The following SYTL2 variants were observed in gnomAD, a reference collection of about 807,000 sequenced individuals.
SYTL2 encodes the protein synaptotagmin like 2.
Under a neutral mutation model 198.7 loss-of-function variants are expected in SYTL2, and 165 were observed. That is an observed-to-expected ratio of 0.83 (90% confidence interval 0.73 to 0.94). SYTL2 has a LOEUF of 0.94. Among genes scored for constraint, SYTL2 ranks in the 40% least tolerant of loss-of-function variants. The probability of loss-of-function intolerance (pLI) is 0.00; values close to 1 mark genes in which losing one functional copy is unlikely to be tolerated. For synonymous variants in SYTL2, 966 were observed against 917.7 expected (o/e 1.05, Z -0.95); for missense variants, 2,835 against 2,582.8 (o/e 1.10, Z -2.12).
chr11:85,813,792 A>G (rs1316264886), upstream of SYTL2, among the ~76,000 whole-genome samples: 1 of 148,192 alleles, frequency 6.7e-6, no homozygotes, highest in African/African-American at 2.5e-5. Flanking sequence ...GCACAAACAC[A>G]GCGCACTGCA....
chr11:85,818,200 G>T, the SYTL2 span, among the ~76,000 whole-genome samples: 1 of 152,078 alleles, frequency 6.6e-6, no homozygotes, highest in African/African-American at 2.4e-5. Context: ...ACCGTGCCTG[G>T]CCAGAGGAAC....
intron 12 of SYTL2, among the ~76,000 whole-genome samples, chr11:85,712,365 G>C (rs2086454663): frequency 6.6e-6 from 1 of 152,126 alleles, no homozygotes; most frequent in East Asian, 1.9e-4. Context: ...TAGTATATCA[G>C]ATCATTAGTG....
intron 14 of SYTL2, 38 bp from the exon 15 acceptor site, chr11:85,707,569 TAA>T (rs1369121542): frequency 1.5e-6 from 2 of 1,353,040 alleles, no homozygotes; most frequent in Non-Finnish European, 2.1e-6. Flanking sequence ...TCAAAGAAAA[TAA>T]AAGTTATGTT....
At chr11:85,797,716 A>C (rs930224221) in intron 1 of SYTL2, among the ~76,000 whole-genome samples, 2 of 152,106 alleles carry the variant, frequency 1.3e-5, no homozygotes. Context: ...ATGTGATCTA[A>C]TAAAATCTTA....
intron 7 of SYTL2, among the ~76,000 whole-genome samples, chr11:85,730,209 C>T (rs1163298068): frequency 1.3e-5 from 2 of 152,098 alleles, no homozygotes; most frequent in Non-Finnish European, 2.9e-5. Flanking sequence ...TCCCAAACAA[C>T]AGAAAAAGAG....
chr11:85,769,763 C>T (rs1566006443), intron 1 of SYTL2, among the ~76,000 whole-genome samples: 1 of 152,162 alleles, frequency 6.6e-6, no homozygotes, highest in Non-Finnish European at 1.5e-5. Context: ...CAGCGGCTTA[C>T]ATACAGGGAA....
At chr11:85,710,273 C>T (rs866515733) in intron 13 of SYTL2, among the ~76,000 whole-genome samples, 7 of 152,124 alleles carry the variant, frequency 4.6e-5, no homozygotes, top group South Asian at 2.1e-4. Context: ...CTGAGCCATG[C>T]GCTTTTAGAG....
intron 1 of SYTL2, among the ~76,000 whole-genome samples, chr11:85,776,521 T>C (rs2092454308): frequency 6.6e-6 from 1 of 152,234 alleles, no homozygotes; most frequent in Non-Finnish European, 1.5e-5. Context: ...GATCTTGTGA[T>C]AGTTTGCTGA....
At chr11:85,790,677 A>G (rs1422886426) in intron 1 of SYTL2, among the ~76,000 whole-genome samples, 1 of 152,182 alleles carries the variant, frequency 6.6e-6, no homozygotes, top group Non-Finnish European at 1.5e-5. Context: ...AGAAATAAAG[A>G]ACAAACTTGA....
At chr11:85,849,098 A>G in the SYTL2 span, among the ~76,000 whole-genome samples, 2 of 152,242 alleles carry the variant, frequency 1.3e-5, no homozygotes, top group African/African-American at 4.8e-5. Context: ...GGTTAAAACA[A>G]TCTCCTTCTT....
intron 1 of SYTL2, among the ~76,000 whole-genome samples, chr11:85,808,721 GA>G (rs1249490272): frequency 6.6e-6 from 1 of 152,020 alleles, no homozygotes; most frequent in African/African-American, 2.4e-5. Flanking sequence ...GAAATCAAAT[GA>G]AAAAAATTGC....
intron 1 of SYTL2, among the ~76,000 whole-genome samples, chr11:85,789,281 G>GTA (rs543616364): frequency 0.024 from 3,137 of 130,168 alleles, 59 homozygotes; most frequent in Admixed American, 0.042. Context: ...GTGTGTGTGT[G>GTA]TATATATATA....
At chr11:85,744,773 G>C (rs1415417698) in intron 4 of SYTL2, among the ~76,000 whole-genome samples, 4 of 152,166 alleles carry the variant, frequency 2.6e-5, no homozygotes, top group Admixed American at 1.3e-4. Flanking sequence ...TAATTGAGGA[G>C]CTACAGGTAA....
intron 10 of SYTL2, chr11:85,717,756 T>A (rs2087588554): frequency 3.5e-6 from 2 of 570,798 alleles, no homozygotes; most frequent in South Asian, 1.5e-5. Flanking sequence ...ATACGGAGCA[T>A]CCTTCCTGTA....
At chr11:85,731,838 A>G (rs1454853500) in intron 7 of SYTL2, among the ~76,000 whole-genome samples, 1 of 152,242 alleles carries the variant, frequency 6.6e-6, no homozygotes, top group Non-Finnish European at 1.5e-5. Flanking sequence ...TATCCATCTG[A>G]CAAAGGGCTA....
At chr11:85,743,347 T>A (rs1275067146) in intron 4 of SYTL2, among the ~76,000 whole-genome samples, 2 of 152,230 alleles carry the variant, frequency 1.3e-5, no homozygotes, top group Non-Finnish European at 2.9e-5. Context: ...ACTTTCTGGA[T>A]AATTACCACC....
the SYTL2 span, among the ~76,000 whole-genome samples, chr11:85,845,953 C>T: frequency 6.6e-6 from 1 of 152,104 alleles, no homozygotes; most frequent in African/African-American, 2.4e-5. Flanking sequence ...TAACATAAAA[C>T]CACCACCACT....
At chr11:85,768,485 T>G (rs564324060) in intron 1 of SYTL2, among the ~76,000 whole-genome samples, 1 of 152,308 alleles carries the variant, frequency 6.6e-6, no homozygotes, top group East Asian at 1.9e-4. Flanking sequence ...GATGACATTA[T>G]GCTGTAAGTA....
At chr11:85,798,631 T>G (rs1450646168) in intron 1 of SYTL2, among the ~76,000 whole-genome samples, 2 of 152,070 alleles carry the variant, frequency 1.3e-5, no homozygotes, top group Non-Finnish European at 1.5e-5. Context: ...CAAAGCAAAC[T>G]CAACAATGGA....
Sources: allele counts gnomAD v4.1 joint callset (sites outside exome capture counted in the v4.1 genomes callset), GRCh38; gene constraint gnomAD v4.1.1; transcripts MANE v1.5; gene names NCBI Gene and HGNC (gene_info 2026-07-23, HGNC 2026-07-21).